PPP1R12B: variants seen among roughly 807,000 people sequenced by gnomAD.
PPP1R12B encodes myosin phosphatase target subunit 2.
Under a neutral mutation model 126.1 loss-of-function variants are expected in PPP1R12B, and 76 were observed. That is an observed-to-expected ratio of 0.60 (90% confidence interval 0.50 to 0.73). PPP1R12B has a LOEUF of 0.73. Among genes scored for constraint, PPP1R12B ranks in the 30% least tolerant of loss-of-function variants. PPP1R12B has a pLI of 0.00. For synonymous variants in PPP1R12B, 356 were observed against 434.7 expected, an observed-to-expected ratio of 0.82 and a Z score of 2.25; for missense variants, 1,052 against 1,205.1, an observed-to-expected ratio of 0.87 and a Z score of 1.88.
At chr1:202,520,286 A>G (rs574012846) in intron 18 of PPP1R12B, among the ~76,000 whole-genome samples, 4 of 152,244 alleles carry the variant, frequency 2.6e-5, no homozygotes, top group Admixed American at 6.5e-5. Flanking sequence ...TAGAAAATGA[A>G]CTAGAACATT....
At chr1:202,571,205 A>G (rs1352545489) in intron 23 of PPP1R12B, among the ~76,000 whole-genome samples, 1 of 152,168 alleles carries the variant, frequency 6.6e-6, no homozygotes, top group Non-Finnish European at 1.5e-5. Context: ...TCAATTCTGT[A>G]GGTTGAGATA....
At chr1:202,363,132 C>T (rs1240699096) in intron 1 of PPP1R12B, among the ~76,000 whole-genome samples, 2 of 152,196 alleles carry the variant, frequency 1.3e-5, no homozygotes. Flanking sequence ...CCATATCCAG[C>T]CTGTAGTTTG....
At chr1:202,353,828 A>T (rs1482219190) in intron 1 of PPP1R12B, among the ~76,000 whole-genome samples, 6 of 151,874 alleles carry the variant, frequency 4.0e-5, no homozygotes, top group Non-Finnish European at 8.8e-5. Context: ...GCCAGGGCTG[A>T]TCTTGAACTC....
chr1:202,555,421 T>G (rs576192224), intron 18 of PPP1R12B, among the ~76,000 whole-genome samples: 1 of 89,064 alleles, frequency 1.1e-5, no homozygotes, highest in African/African-American at 4.3e-5. Flanking sequence ...AAAGATATAG[T>G]AAAATCTTAC....
At chr1:202,411,175 C>T (rs1667330760) in intron 1 of PPP1R12B, among the ~76,000 whole-genome samples, 1 of 150,578 alleles carries the variant, frequency 6.6e-6, no homozygotes. Context: ...TAAATTTAGT[C>T]GTTATTCACT....
At chr1:202,567,579 T>A (rs1265607820) in intron 21 of PPP1R12B, 199 bp from the exon 22 acceptor site, 1 of 571,012 alleles carries the variant, frequency 1.8e-6, no homozygotes. Flanking sequence ...CCAGAGGGAA[T>A]CCTGCAAACT....
intron 1 of PPP1R12B, among the ~76,000 whole-genome samples, chr1:202,407,019 G>A (rs990547701): frequency 1.3e-5 from 2 of 152,170 alleles, no homozygotes; most frequent in African/African-American, 4.8e-5. Flanking sequence ...GTTTGAAGAT[G>A]ACTCATGAGC....
chr1:202,354,889 G>A (rs937787176), intron 1 of PPP1R12B, among the ~76,000 whole-genome samples: 1 of 149,014 alleles, frequency 6.7e-6, no homozygotes, highest in African/African-American at 2.5e-5. Context: ...GCAGTGGTGT[G>A]ATCTCAGCTC....
intron 18 of PPP1R12B, among the ~76,000 whole-genome samples, chr1:202,536,046 T>C (rs1270601943): frequency 1.3e-5 from 2 of 152,218 alleles, no homozygotes; most frequent in East Asian, 1.9e-4. Flanking sequence ...TCAACCAAAG[T>C]TTATTCTTCA....
In PPP1R12B at chr1:202,438,736, C is replaced by T. The variant is rs117875004; in HGVS notation, c.1458+712C>T. 1.2e-3 allele frequency: 791 copies of T among 687,420 alleles called. 6 individuals carry two copies. Among genetic ancestry groups the T allele is most frequent in the South Asian group, 8.9e-3 (563 of 63,322 alleles). The allele number at this position is 687,420 out of a possible 1,614,324, so 42.6% of individuals were successfully genotyped here. On this transcript the variant is annotated intron_variant, in intron 10 of 23. Coordinates refer to ENST00000608999, the MANE Select transcript of PPP1R12B (RefSeq NM_002481.4). ...TGGTTACCGTGCATTTTGCAGACGT[C>T]GTGAGAGAACAGCATGTGGGAGCTG...
intron 18 of PPP1R12B, among the ~76,000 whole-genome samples, chr1:202,558,151 G>A (rs1157853289): frequency 6.7e-6 from 1 of 150,172 alleles, no homozygotes; most frequent in Non-Finnish European, 1.5e-5. Flanking sequence ...AAAAAAAAAA[G>A]GGATAGGAGG....
chr1:202,557,858 G>A (rs1687119163), intron 18 of PPP1R12B, among the ~76,000 whole-genome samples: 1 of 152,168 alleles, frequency 6.6e-6, no homozygotes, highest in Admixed American at 6.5e-5. Flanking sequence ...TGCTGTCACT[G>A]TATACCTCTC....
At chr1:202,553,725 T>C (rs1686578118) in intron 18 of PPP1R12B, among the ~76,000 whole-genome samples, 1 of 152,132 alleles carries the variant, frequency 6.6e-6, no homozygotes, top group South Asian at 2.1e-4. Flanking sequence ...AGCCTTGTGT[T>C]CTAGGACTTC....
intron 18 of PPP1R12B, among the ~76,000 whole-genome samples, chr1:202,529,213 A>G (rs970018353): frequency 2.6e-5 from 4 of 152,122 alleles, no homozygotes; most frequent in African/African-American, 9.7e-5. Context: ...TGCATATGTC[A>G]GAAGTATCTG....
At chr1:202,431,821 A>G (rs572941924) in intron 8 of PPP1R12B, among the ~76,000 whole-genome samples, 5 of 152,330 alleles carry the variant, frequency 3.3e-5, no homozygotes, top group African/African-American at 1.2e-4. Flanking sequence ...ATTCCTGTGT[A>G]GCCATATGAT....
chr1:202,531,965 A>T (rs1684000129), intron 18 of PPP1R12B, among the ~76,000 whole-genome samples: 1 of 152,240 alleles, frequency 6.6e-6, no homozygotes, highest in Non-Finnish European at 1.5e-5. Context: ...TTATTTAGAA[A>T]GTGAAGGAAT....
chr1:202,558,942 T>C (rs372979483), intron 19 of PPP1R12B, 49 bp downstream of exon 19: 4 of 1,519,334 alleles, frequency 2.6e-6, no homozygotes, highest in Non-Finnish European at 3.6e-6. Context: ...TGTGAGTGAA[T>C]GCATGTCGAA....
At chr1:202,406,609 T>G (rs1054805675) in intron 1 of PPP1R12B, among the ~76,000 whole-genome samples, 3 of 152,190 alleles carry the variant, frequency 2.0e-5, no homozygotes, top group African/African-American at 7.2e-5. Context: ...TATATGACCT[T>G]AAATAAGAAT....
rs528099076 is a variant in PPP1R12B, at chr1:202,419,724, G to T, written c.422+2807G>T. Among the ~76,000 whole-genome samples the T allele has an allele frequency of 6.0e-4, 92 of 152,262 alleles. 1 individual carries two copies. In the South Asian group the frequency reaches 0.018, roughly 30 times the overall value. On this transcript the variant is annotated intron_variant, in intron 2 of 23. Coordinates refer to ENST00000608999, the MANE Select transcript of PPP1R12B (RefSeq NM_002481.4). The surrounding 1 kb of genome is among the most constrained non-coding windows in gnomAD (Gnocchi z 4.6). ...ATTTATGGAATACCAAGAGGAAAAA[G>T]CAAGTGTCAGATGTCATGGCGATGA...
Sources: gnomAD v4.1 joint callset for allele counts (sites outside exome capture counted in the v4.1 genomes callset) on GRCh38, gnomAD v4.1.1 for gene constraint, Gnocchi (gnomAD v3.1) non-coding constraint, MANE v1.5 for transcripts, NCBI Gene and HGNC (gene_info 2026-07-23, HGNC 2026-07-21) for gene names.